DOCK2: variants seen among roughly 807,000 people sequenced by gnomAD.
DOCK2 encodes the protein dedicator of cytokinesis 2, also known as dedicator of cytokinesis protein 2.
In DOCK2, 87 loss-of-function variants were observed where a neutral mutation model predicts 248.9. The observed-to-expected ratio is 0.35, with a 90% CI of 0.29 to 0.42. DOCK2 has a LOEUF of 0.42. Ranked by LOEUF, DOCK2 falls within the 10% of genes least tolerant of loss-of-function variation. DOCK2 has a pLI of 1.00. For synonymous variants in DOCK2, 805 were observed against 821.6 expected (o/e 0.98, Z 0.35); for missense variants, 1,747 against 2,300.2 (o/e 0.76, Z 4.92).
Position 169,669,306 on chromosome 5 carries a change from T to G in DOCK2, c.146T>G (p.Leu49Arg). The change falls in exon 3 of 52, where the codon CTC becomes CGC. Residue 49 changes from leucine to arginine, a missense_variant. Leu to Arg is a moderately radical substitution (Grantham distance 102). Transcript: ENST00000520908. Reference protein sequence around the residue: ...ETCGDWYRGYLIKHKMLQGIF... With the variant: ...ETCGDWYRGYRIKHKMLQGIF... ...TTTGCAGACTGGTATAGGGGATACC[T>G]CATAAAGCACAAAATGTTACAGGTA... 1 of 1,614,158 alleles carries G rather than the reference T, an allele frequency of 6.2e-7. No homozygotes were observed. Among genetic ancestry groups the G allele is most frequent in the Non-Finnish European group, 8.5e-7 (1 of 1,179,990 alleles).
At chr5:169,789,511 T>C (rs1766194461) in intron 25 of DOCK2, among the ~76,000 whole-genome samples, 1 of 152,248 alleles carries the variant, frequency 6.6e-6, no homozygotes. Context: ...GGAGCATATG[T>C]TGTCATCTGT....
chr5:169,674,005 G>A (rs779002236), intron 5 of DOCK2, among the ~76,000 whole-genome samples: 6 of 152,230 alleles, frequency 3.9e-5, no homozygotes, highest in East Asian at 1.9e-4. Flanking sequence ...GCAGATGTTC[G>A]TAGCATTCCT....
intron 32 of DOCK2, among the ~76,000 whole-genome samples, chr5:170,010,313 A>G (rs1282236182): frequency 2.0e-5 from 3 of 152,098 alleles, no homozygotes; most frequent in African/African-American, 4.8e-5. Context: ...TTCTCAGTCT[A>G]TCTTTTGTTT....
intron 22 of DOCK2, among the ~76,000 whole-genome samples, chr5:169,719,132 A>G (rs543235207): frequency 6.6e-6 from 1 of 152,356 alleles, no homozygotes; most frequent in Admixed American, 6.5e-5. Flanking sequence ...GGGAGCAGGA[A>G]GGGCAGAACT....
chr5:170,053,403 C>T (rs74739205), intron 41 of DOCK2, among the ~76,000 whole-genome samples: 7,593 of 152,314 alleles, frequency 0.05, 386 homozygotes, highest in African/African-American at 0.13. Context: ...CCCAAAAATG[C>T]GCGGGTATTG....
chr5:169,691,732 C>T (rs967629171), intron 9 of DOCK2, among the ~76,000 whole-genome samples: 2 of 152,152 alleles, frequency 1.3e-5, no homozygotes, highest in Admixed American at 6.5e-5. Context: ...TCCTGGTCTC[C>T]TATGTTGGGG....
chr5:170,067,421 C>T (rs1757531492), intron 44 of DOCK2, 89 bp from the exon 45 acceptor site: 1 of 1,384,252 alleles, frequency 7.2e-7, no homozygotes, highest in South Asian at 1.4e-5. Context: ...ATTTGAATTC[C>T]CACCCCAAGT....
At chr5:169,841,567 A>C in intron 27 of DOCK2, 1 of 594,128 alleles carries the variant, frequency 1.7e-6, no homozygotes, top group Non-Finnish European at 2.1e-6. Flanking sequence ...ATAAAATCCA[A>C]ACATTGCCAG....
intron 27 of DOCK2, among the ~76,000 whole-genome samples, chr5:169,871,160 A>G (rs1771944090): frequency 6.6e-6 from 1 of 152,166 alleles, no homozygotes; most frequent in African/African-American, 2.4e-5. Context: ...ATATCATCAC[A>G]TGGGGCATTA....
chr5:169,643,550 G>A (rs1370705497), intron 1 of DOCK2, among the ~76,000 whole-genome samples: 1 of 152,204 alleles, frequency 6.6e-6, no homozygotes, highest in Non-Finnish European at 1.5e-5. Flanking sequence ...CTGCTCCTGT[G>A]AGAATCGAAT....
intron 22 of DOCK2, among the ~76,000 whole-genome samples, chr5:169,733,861 A>G (rs10078093): frequency 0.022 from 3,418 of 152,214 alleles, 135 homozygotes; most frequent in African/African-American, 0.078. Context: ...ACCATGATGT[A>G]CTTAGGAATG....
chr5:169,931,092 G>T (rs1233889757), intron 27 of DOCK2, among the ~76,000 whole-genome samples: 2 of 152,214 alleles, frequency 1.3e-5, no homozygotes, highest in African/African-American at 4.8e-5. Context: ...TGCTTGACTG[G>T]TTGACTCATT....
At chr5:169,809,365 G>T (rs1306522480) in intron 26 of DOCK2, among the ~76,000 whole-genome samples, 1 of 152,174 alleles carries the variant, frequency 6.6e-6, no homozygotes, top group Non-Finnish European at 1.5e-5. Context: ...AGTGTCTCTT[G>T]CTTGGAATGC....
intron 27 of DOCK2, among the ~76,000 whole-genome samples, chr5:169,893,047 C>T (rs1012961217): frequency 6.6e-6 from 1 of 152,188 alleles, no homozygotes; most frequent in Non-Finnish European, 1.5e-5. Flanking sequence ...TCCTCTCTAG[C>T]CCCTTCTCTT....
At chr5:169,987,299 C>T (rs1170527918) in intron 29 of DOCK2, among the ~76,000 whole-genome samples, 1 of 152,214 alleles carries the variant, frequency 6.6e-6, no homozygotes, top group Non-Finnish European at 1.5e-5. Flanking sequence ...ACATGCCCAT[C>T]CATGGACCTC....
At chr5:169,865,715 A>G (rs1236900007) in intron 27 of DOCK2, among the ~76,000 whole-genome samples, 4 of 152,382 alleles carry the variant, frequency 2.6e-5, no homozygotes, top group African/African-American at 9.6e-5. Context: ...AAACGTGGTC[A>G]TGAAAACAGT....
intron 26 of DOCK2, among the ~76,000 whole-genome samples, chr5:169,809,362 C>T (rs1224635375): frequency 6.6e-6 from 1 of 152,192 alleles, no homozygotes; most frequent in Non-Finnish European, 1.5e-5. Context: ...TGCAGTGTCT[C>T]TTGCTTGGAA....
In DOCK2 at chr5:169,768,815, C is replaced by G. The variant is rs2546800; in HGVS notation, c.2554+7190C>G. Among the ~76,000 whole-genome samples the G allele has an allele frequency of 3.7e-3, 569 of 152,310 alleles. 2 individuals carry two copies. Among genetic ancestry groups the G allele is most frequent in the Non-Finnish European group, 6.2e-3 (425 of 68,034 alleles). On this transcript the variant is annotated intron_variant, in intron 25 of 51. Coordinates refer to ENST00000520908, the MANE Select transcript of DOCK2 (RefSeq NM_004946.3). The stretch of plus-strand genomic sequence containing the variant: ...GTCATCTCTCTTTGTACCTTACATG[C>G]CCTTGCAAAATTCAGTTCATTGCAT...
chr5:169,777,336 G>A (rs1313503421), intron 25 of DOCK2, among the ~76,000 whole-genome samples: 1 of 152,192 alleles, frequency 6.6e-6, no homozygotes, highest in African/African-American at 2.4e-5. Flanking sequence ...GTGTCTGTGT[G>A]TGGACGTTCC....
Sources: gnomAD v4.1 joint callset for allele counts (sites outside exome capture counted in the v4.1 genomes callset) on GRCh38, gnomAD v4.1.1 for gene constraint, MANE v1.5 for transcripts, NCBI Gene and HGNC (gene_info 2026-07-23, HGNC 2026-07-21) for gene names.